NIPAL3: variants seen among roughly 807,000 people sequenced by gnomAD.
NIPAL3 encodes NIPA-like protein 3.
Under a neutral mutation model 47.2 loss-of-function variants are expected in NIPAL3, and 41 were observed. The observed-to-expected ratio is 0.87, with a 90% CI of 0.68 to 1.13. The LOEUF (loss-of-function observed/expected upper bound fraction) is 1.13, where lower values mean the gene tolerates loss of function less well. Among genes scored for constraint, NIPAL3 ranks in the 50% most tolerant of loss-of-function variants. The pLI, the probability that NIPAL3 is intolerant of heterozygous loss-of-function variation, is 0.00. For missense variants in NIPAL3, 449 were observed against 530.1 expected, an observed-to-expected ratio of 0.85 and a Z score of 1.50; for synonymous variants, 194 against 209.6, an observed-to-expected ratio of 0.93 and a Z score of 0.64.
At position 24,423,691 on chromosome 1, in the gene NIPAL3, A is replaced by C. The variant is rs1363789157; in HGVS notation, c.93+4051A>C. 2.0e-5 allele frequency among the ~76,000 whole-genome samples: 3 copies of C among 152,330 alleles called. No individual in the cohort carries two copies. In the East Asian group the frequency reaches 5.8e-4, roughly 29 times the overall value. ...GGGCCACACGGGACACACCAAGGTC[A>C]GTTGGTTAGAAGCAGAGGGCATGTG... On this transcript the variant is annotated intron_variant, in intron 2 of 11. Transcript: ENST00000374399.
intron 9 of NIPAL3, among the ~76,000 whole-genome samples, chr1:24,459,434 C>T (rs1262305489): frequency 6.6e-6 from 1 of 152,228 alleles, no homozygotes; most frequent in Non-Finnish European, 1.5e-5. Flanking sequence ...TTACAGCCCC[C>T]TTTTCCTCTA....
At chr1:24,419,682 C>T (rs1157102603) in intron 2 of NIPAL3, 42 bp downstream of exon 2, 2 of 1,567,058 alleles carry the variant, frequency 1.3e-6, no homozygotes, top group African/African-American at 2.7e-5. Flanking sequence ...ATTTTCCTAG[C>T]AAGGAAGTTA....
At chr1:24,437,169 G>C (rs575415526) in intron 2 of NIPAL3, among the ~76,000 whole-genome samples, 2 of 152,016 alleles carry the variant, frequency 1.3e-5, no homozygotes, top group Non-Finnish European at 2.9e-5. Context: ...GGAGAATGGC[G>C]TGAACCCGGG....
Position 24,469,139 on chromosome 1 carries a change from C to T in NIPAL3, c.1175C>T (p.Ala392Val). 6.2e-7 allele frequency: 1 copy of T among 1,614,084 alleles called. No homozygotes were observed. Among genetic ancestry groups the T allele is most frequent in the East Asian group, 2.2e-5 (1 of 44,868 alleles). ...CAAGAAGAGCACGGCTCCAGAAGTG[C>T]CTCTGGGGTCCCCTACCGAGTCCTA... ...VMQEEHGSRS[A>V]SGVPYRVLEH... The change falls in exon 12 of 12, where the codon GCC (alanine) becomes GTC (valine). Residue 392 changes from alanine (A) to valine (V), a missense_variant. Coordinates refer to ENST00000374399, the MANE Select transcript of NIPAL3 (RefSeq NM_020448.5).
chr1:24,431,471 C>T (rs1041916040), intron 2 of NIPAL3, among the ~76,000 whole-genome samples: 7 of 152,176 alleles, frequency 4.6e-5, no homozygotes, highest in African/African-American at 1.7e-4. Context: ...ATCTCTGGCC[C>T]CAGTCCAAAG....
At chr1:24,425,123 C>T (rs1469223540) in intron 2 of NIPAL3, among the ~76,000 whole-genome samples, 1 of 152,108 alleles carries the variant, frequency 6.6e-6, no homozygotes, top group East Asian at 1.9e-4. Context: ...TTTACCTCAG[C>T]TGGGAAAAGT....
intron 7 of NIPAL3, 151 bp from the exon 8 acceptor site, chr1:24,455,987 C>T: frequency 2.4e-6 from 2 of 842,372 alleles, no homozygotes; most frequent in Non-Finnish European, 3.8e-6. Flanking sequence ...GTGCAAACGG[C>T]GTCTGTCACT....
At position 24,448,048 on chromosome 1, in the gene NIPAL3, T is replaced by C. The variant is rs147569369; in HGVS notation, c.395-1433T>C. Among the ~76,000 whole-genome samples, 197 of 152,352 alleles carry C rather than the reference T, an allele frequency of 1.3e-3. 1 individual carries two copies. The highest frequency in any genetic ancestry group is 0.01 in the Middle Eastern group (3 of 294). On this transcript the variant is annotated intron_variant, in intron 5 of 11. Transcript: ENST00000374399. ...AACTTTAGATAACAGACCTACTTTA[T>C]TGAGTTTAACCGTGGCTCATTCATT...
In NIPAL3 at chr1:24,449,454, G is replaced by A. The variant is rs749563166; in HGVS notation, c.395-27G>A. 55 of 1,611,828 alleles carry A rather than the reference G, an allele frequency of 3.4e-5. No individual in the cohort carries two copies. In the East Asian group the frequency reaches 1.2e-3, roughly 35 times the overall value. ...TATCTTGGGCCTGTTGTTGCAATGA[G>A]TCCGTGACAGCCTCTCTTCCCCGCA... On this transcript the variant is annotated intron_variant, in intron 5 of 11. Coordinates refer to ENST00000374399, the MANE Select transcript of NIPAL3 (RefSeq NM_020448.5). The surrounding 1 kb of genome is among the most constrained non-coding windows in gnomAD (Gnocchi z 4.5).
rs1181137876 is a variant in NIPAL3 at position 24,428,294 on chromosome 1, GAGAGAGAGAC to G, written c.93+8656_93+8665del. On this transcript the variant is annotated intron_variant, in intron 2 of 11. Coordinates refer to ENST00000374399, the MANE Select transcript of NIPAL3 (RefSeq NM_020448.5). ...AGAGAGAGAGAGAGAGAGAGAGAGA[GAGAGAGAGAC>G]ACCAGAACCTTTCCCCAAAGCCAGC... 4.8e-3 allele frequency among the ~76,000 whole-genome samples: 654 copies of G among 137,086 alleles called. 8 individuals carry two copies. The highest frequency in any genetic ancestry group is 0.031 in the South Asian group (136 of 4,318). 89.9% of individuals were successfully genotyped at this position (137,086 alleles called of 152,430 possible).
In NIPAL3 at chr1:24,453,408, C is replaced by T; in HGVS notation, c.541C>T (p.Leu181=). ...CCCCCCTGCTTGCTGCCTTCCACAG[C>T]TGGTGGAGATCATTCTGTTCTGCTT... ...LVSWPFLLYM[L]VEIILFCLLL... The change falls in exon 7 of 12, where the codon CTG becomes TTG. Residue 181 remains leucine (L), a splice_region_variant and synonymous_variant. Coordinates refer to ENST00000374399, the MANE Select transcript of NIPAL3 (RefSeq NM_020448.5). 1 of 1,612,354 alleles carries T rather than the reference C, an allele frequency of 6.2e-7. No homozygotes were observed. Among genetic ancestry groups the T allele is most frequent in the Middle Eastern group, 1.7e-4 (1 of 6,052 alleles).
chr1:24,428,357 T>G (rs562252846), intron 2 of NIPAL3, among the ~76,000 whole-genome samples: 1 of 151,182 alleles, frequency 6.6e-6, no homozygotes, highest in South Asian at 2.1e-4. Flanking sequence ...TACTCTAATT[T>G]TCTTCCACTT....
At chr1:24,436,427 G>T (rs1422179989) in intron 2 of NIPAL3, among the ~76,000 whole-genome samples, 4 of 151,810 alleles carry the variant, frequency 2.6e-5, no homozygotes, top group Non-Finnish European at 1.5e-5. Flanking sequence ...TGCCATTCCT[G>T]GGGTCCCAAC....
chr1:24,469,237 AC>A lies in NIPAL3; in HGVS notation c.*55del. ...TCCCCTCCAGGCTGACAGTGGTTCAACCCTGAATCCTAAAACTTGCCTTTCA... is the reference window on the plus strand; with the variant it reads ...TCCCCTCCAGGCTGACAGTGGTTCAACCTGAATCCTAAAACTTGCCTTTCA... On this transcript the variant is annotated 3_prime_UTR_variant, in exon 12 of 12. Coordinates refer to ENST00000374399, the MANE Select transcript of NIPAL3 (RefSeq NM_020448.5). The A allele has an allele frequency of 6.7e-7, 1 of 1,481,700 alleles. No homozygotes were observed. The highest frequency in any genetic ancestry group is 9.2e-7 in the Non-Finnish European group (1 of 1,088,182). 91.8% of individuals were successfully genotyped at this position (1,481,700 alleles called of 1,614,324 possible).
rs1238067639 is a variant in NIPAL3 at position 24,449,302 on chromosome 1, T to G, written c.395-179T>G. On this transcript the variant is annotated intron_variant, in intron 5 of 11. Transcript: ENST00000374399. This position sits in a 1 kb window ranked among gnomAD's most constrained non-coding sequence, Gnocchi z 4.5. The stretch of plus-strand genomic sequence containing the variant: ...GTTTTTTATTTTTTTACATTAATTG[T>G]TTTTTTAACAAAATTAAGGAAAATC... Among the ~76,000 whole-genome samples the G allele has an allele frequency of 6.6e-6, 1 of 152,204 alleles. No homozygotes were observed. The highest frequency in any genetic ancestry group is 1.5e-5 in the Non-Finnish European group (1 of 68,034).
intron 9 of NIPAL3, 89 bp downstream of exon 9, chr1:24,459,065 G>A: frequency 1.8e-6 from 2 of 1,118,024 alleles, no homozygotes; most frequent in East Asian, 2.4e-5. Flanking sequence ...CTGCTGACTT[G>A]TTCTCCCCGT....
intron 2 of NIPAL3, among the ~76,000 whole-genome samples, chr1:24,423,451 A>AC (rs1320979657): frequency 1.3e-5 from 2 of 152,186 alleles, no homozygotes; most frequent in Non-Finnish European, 2.9e-5. Flanking sequence ...CCACGGTGAA[A>AC]CCCCATCTCT....
rs989486432 is a variant in NIPAL3, at chr1:24,472,358, T to G, written c.*3173T>G. The G allele has an allele frequency of 6.6e-6, 1 of 152,220 alleles. No homozygotes were observed. Among genetic ancestry groups the G allele is most frequent in the Admixed American group, 6.5e-5 (1 of 15,286 alleles). 9.4% of individuals were successfully genotyped at this position (152,220 alleles called of 1,614,324 possible). On this transcript the variant is annotated 3_prime_UTR_variant, in exon 12 of 12. Coordinates refer to ENST00000374399, the MANE Select transcript of NIPAL3 (RefSeq NM_020448.5). Reference sequence around the variant, plus strand: ...TCTTTGTCCAGTGGTATAAATGGACTGTCTGCTGATGGCCATACGCAGCAC... The same window carrying G: ...TCTTTGTCCAGTGGTATAAATGGACGGTCTGCTGATGGCCATACGCAGCAC...
intron 6 of NIPAL3, among the ~76,000 whole-genome samples, chr1:24,452,479 G>A (rs1463301523): frequency 2.0e-5 from 3 of 152,178 alleles, no homozygotes; most frequent in Admixed American, 2.0e-4. Flanking sequence ...ACGTCATTTA[G>A]TGTAAGCTAT....
Sources: gnomAD v4.1 joint callset for allele counts (sites outside exome capture counted in the v4.1 genomes callset) on GRCh38, gnomAD v4.1.1 for gene constraint, Gnocchi (gnomAD v3.1) non-coding constraint, MANE v1.5 for transcripts, NCBI Gene and HGNC (gene_info 2026-07-23, HGNC 2026-07-21) for gene names.